SORCS1: variants seen among roughly 807,000 people sequenced by gnomAD.
The protein encoded by SORCS1 is VPS10 domain-containing receptor SorCS1.
In SORCS1, 60 loss-of-function variants were observed where a neutral mutation model predicts 146.1. The ratio of observed to expected loss-of-function variants is 0.41; its 90% CI spans 0.33 to 0.51. The LOEUF (loss-of-function observed/expected upper bound fraction) is 0.51, where lower values mean the gene tolerates loss of function less well. Ranked by LOEUF, SORCS1 falls within the 20% of genes least tolerant of loss-of-function variation. The pLI, the probability that SORCS1 is intolerant of heterozygous loss-of-function variation, is 0.21. For missense variants in SORCS1, 1,352 were observed against 1,487.6 expected, an observed-to-expected ratio of 0.91 and a Z score of 1.50; for synonymous variants, 637 against 584.0, an observed-to-expected ratio of 1.09 and a Z score of -1.31.
chr10:106,604,744 G>GCC (rs1390979874), intron 23 of SORCS1, among the ~76,000 whole-genome samples: 2 of 151,746 alleles, frequency 1.3e-5, no homozygotes, highest in Admixed American at 6.6e-5. Flanking sequence ...TCCAATACAT[G>GCC]CCCTTGACTA....
In SORCS1 at chr10:107,154,801, T is replaced by C. The variant is rs112063433; in HGVS notation, c.558+9168A>G. On this transcript the variant is annotated intron_variant, in intron 1 of 25. Coordinates refer to ENST00000263054, the MANE Select transcript of SORCS1 (RefSeq NM_052918.5). ...TAACAGCTAACCCTTATTGATGATT[T>C]AGTATATGCCAGATGTTCCGTTAAG... Among the ~76,000 whole-genome samples, 131 of 152,378 alleles carry C rather than the reference T, an allele frequency of 8.6e-4. 1 individual carries two copies. Among genetic ancestry groups the C allele is most frequent in the African/African-American group, 3.1e-3 (127 of 41,596 alleles).
At chr10:106,752,427 T>TA (rs1171750048) in intron 5 of SORCS1, among the ~76,000 whole-genome samples, 1 of 152,164 alleles carries the variant, frequency 6.6e-6, no homozygotes. Context: ...TAATAGGTGC[T>TA]AAAAATTAAT....
chr10:106,994,288 C>T (rs1956904953), intron 1 of SORCS1, among the ~76,000 whole-genome samples: 1 of 151,802 alleles, frequency 6.6e-6, no homozygotes, highest in Non-Finnish European at 1.5e-5. Flanking sequence ...TACAGCACGA[C>T]AAAAATCTGT....
At position 106,725,138 on chromosome 10, in the gene SORCS1, TCAAAA is replaced by T. The variant is rs764606218; in HGVS notation, c.1024+4907_1024+4911del. Among the ~76,000 whole-genome samples, 275 of 151,240 alleles carry T rather than the reference TCAAAA, an allele frequency of 1.8e-3. 1 individual carries two copies. The highest frequency in any genetic ancestry group is 6.4e-3 in the African/African-American group (263 of 41,220). ...CTGGGCAACAGAGAGAGACTTCATC[TCAAAA>T]CAAAACAAAACAAAACAAAATAAAA... On this transcript the variant is annotated intron_variant, in intron 6 of 25. Coordinates refer to ENST00000263054, the MANE Select transcript of SORCS1 (RefSeq NM_052918.5).
chr10:106,700,800 A>G (rs1389943951), intron 8 of SORCS1, among the ~76,000 whole-genome samples: 1 of 152,206 alleles, frequency 6.6e-6, no homozygotes, highest in Admixed American at 6.5e-5. Context: ...AGGGCTTTAT[A>G]TTCCTCACCT....
At chr10:107,016,967 T>C (rs1287327586) in intron 1 of SORCS1, among the ~76,000 whole-genome samples, 2 of 152,234 alleles carry the variant, frequency 1.3e-5, no homozygotes, top group Non-Finnish European at 2.9e-5. Context: ...TGATATTCTG[T>C]ACATACTAAT....
At chr10:106,796,103 C>T (rs1946542387) in intron 3 of SORCS1, among the ~76,000 whole-genome samples, 1 of 152,196 alleles carries the variant, frequency 6.6e-6, no homozygotes. Flanking sequence ...ATTAATTGAT[C>T]TTCCTGTGGC....
At chr10:106,761,085 T>C (rs11193039) in intron 5 of SORCS1, among the ~76,000 whole-genome samples, 33,579 of 151,914 alleles carry the variant, frequency 0.22, 4,692 homozygotes, top group East Asian at 0.48. Flanking sequence ...GCAGCCTGGG[T>C]GACAGAGTGA....
At chr10:107,176,307 C>G in the SORCS1 span, among the ~76,000 whole-genome samples, 1 of 91,408 alleles carries the variant, frequency 1.1e-5, no homozygotes, top group African/African-American at 3.7e-5. Context: ...CTTCCTTTCT[C>G]TCTTTCTTTC....
intron 1 of SORCS1, among the ~76,000 whole-genome samples, chr10:107,107,421 T>C (rs1965382795): frequency 1.3e-5 from 2 of 152,178 alleles, no homozygotes; most frequent in African/African-American, 4.8e-5. Flanking sequence ...TGAATGGATT[T>C]TGTGTTTCAG....
At chr10:106,956,624 A>G (rs776583788) in intron 1 of SORCS1, 44 bp from the exon 2 acceptor site, 6 of 1,559,940 alleles carry the variant, frequency 3.8e-6, no homozygotes, top group Non-Finnish European at 5.3e-6. Flanking sequence ...AAACAATTAC[A>G]ATCTCTTAGA....
intron 3 of SORCS1, among the ~76,000 whole-genome samples, chr10:106,791,433 C>A (rs867109088): frequency 1.3e-5 from 2 of 152,250 alleles, no homozygotes; most frequent in Non-Finnish European, 1.5e-5. Context: ...TACGGTGGCT[C>A]ACACCTGTCA....
In SORCS1 at chr10:107,141,288, A is replaced by T. The variant is rs562214565; in HGVS notation, c.558+22681T>A. 7.2e-5 allele frequency among the ~76,000 whole-genome samples: 11 copies of T among 152,312 alleles called. No homozygotes were observed. The South Asian group carries it at 2.3e-3, about 32-fold the overall frequency. On this transcript the variant is annotated intron_variant, in intron 1 of 25. Coordinates refer to ENST00000263054, the MANE Select transcript of SORCS1 (RefSeq NM_052918.5). ...GGCTACTTTTGTAGAGAGGAACTCA[A>T]TGGAGGGGAGGGGCACACACACATT...
chr10:106,737,895 T>A (rs1275097342), intron 5 of SORCS1, among the ~76,000 whole-genome samples: 1 of 152,244 alleles, frequency 6.6e-6, no homozygotes, highest in East Asian at 1.9e-4. Context: ...TAAGGTTTCT[T>A]TTTATCTTTT....
upstream of SORCS1, among the ~76,000 whole-genome samples, chr10:107,166,701 T>C (rs761648490): frequency 2.6e-5 from 4 of 152,252 alleles, no homozygotes; most frequent in Admixed American, 6.5e-5. Flanking sequence ...ATTTACTTAA[T>C]GACTTCTTTC....
Position 106,813,253 on chromosome 10 carries a change from C to A in SORCS1, c.726+16321G>T, listed in dbSNP as rs1397562062. 2.6e-5 allele frequency among the ~76,000 whole-genome samples: 4 copies of A among 151,516 alleles called. No homozygotes were observed. In the East Asian group the frequency reaches 7.8e-4, roughly 29 times the overall value. On this transcript the variant is annotated intron_variant, in intron 3 of 25. Transcript: ENST00000263054. Reference sequence around the variant, plus strand: ...GTTCAAGCTACTCTCCTGCCTCAGCCTCCTGAATAGCTGAAATTACAGGCA... The same window carrying A: ...GTTCAAGCTACTCTCCTGCCTCAGCATCCTGAATAGCTGAAATTACAGGCA...
chr10:106,721,729 T>C (rs1855793758), intron 6 of SORCS1, among the ~76,000 whole-genome samples: 1 of 152,200 alleles, frequency 6.6e-6, no homozygotes, highest in Non-Finnish European at 1.5e-5. Flanking sequence ...ACCCAGGAAT[T>C]TTCCTTCATA....
At chr10:107,139,266 C>T (rs921137809) in intron 1 of SORCS1, among the ~76,000 whole-genome samples, 1 of 152,046 alleles carries the variant, frequency 6.6e-6, no homozygotes, top group African/African-American at 2.4e-5. Flanking sequence ...AAAACTGGAA[C>T]CAAGCTAGTA....
chr10:106,821,772 A>G (rs1277382593), intron 3 of SORCS1, among the ~76,000 whole-genome samples: 1 of 152,054 alleles, frequency 6.6e-6, no homozygotes, highest in Non-Finnish European at 1.5e-5. Context: ...ATACAAAAAA[A>G]TTAGCCAGGC....
Sources: allele counts gnomAD v4.1 joint callset (sites outside exome capture counted in the v4.1 genomes callset), GRCh38; gene constraint gnomAD v4.1.1; transcripts MANE v1.5; gene names NCBI Gene and HGNC (gene_info 2026-07-23, HGNC 2026-07-21).